SLC26A3: variants seen among roughly 807,000 people sequenced by gnomAD.
SLC26A3 encodes chloride anion exchanger.
In SLC26A3, 64 loss-of-function variants were observed where a neutral mutation model predicts 85.6. The ratio of observed to expected loss-of-function variants is 0.75; its 90% confidence interval spans 0.61 to 0.92. The LOEUF (loss-of-function observed/expected upper bound fraction) is 0.92, where lower values mean the gene tolerates loss of function less well. Ranked by LOEUF, SLC26A3 falls within the 40% of genes least tolerant of loss-of-function variation. The probability of loss-of-function intolerance (pLI) is 0.00; values close to 1 mark genes in which losing one functional copy is unlikely to be tolerated. For synonymous variants in SLC26A3, 349 were observed against 336.0 expected (o/e 1.04, Z -0.42); for missense variants, 922 against 927.3 (o/e 0.99, Z 0.07).
At chr7:107,778,356 AAG>A in intron 12 of SLC26A3, 75 bp from the exon 13 acceptor site, 6 of 589,278 alleles carry the variant, frequency 1.0e-5, no homozygotes, top group Admixed American at 3.1e-5. Context: ...GTCTTTTAAA[AAG>A]ACTTTTTTTT....
chr7:107,802,094 A>T (rs1033226699), intron 1 of SLC26A3, among the ~76,000 whole-genome samples: 2 of 65,778 alleles, frequency 3.0e-5, no homozygotes, highest in Admixed American at 3.3e-4. Flanking sequence ...TCCGTCTCAG[A>T]AAAAAAAAAA....
intron 11 of SLC26A3, 141 bp downstream of exon 11, chr7:107,782,656 T>C: frequency 1.2e-6 from 1 of 850,486 alleles, no homozygotes; most frequent in Non-Finnish European, 2.0e-6. Flanking sequence ...TTTTGGCTCA[T>C]ACAGAGTATT....
chr7:107,773,128 A>G (rs567126980), intron 17 of SLC26A3, among the ~76,000 whole-genome samples: 66 of 152,360 alleles, frequency 4.3e-4, no homozygotes, highest in African/African-American at 1.6e-3. Context: ...TGATTGTTTC[A>G]GTCGTGTTTT....
chr7:107,799,478 C>T (rs997070805), intron 1 of SLC26A3, among the ~76,000 whole-genome samples: 13 of 152,044 alleles, frequency 8.6e-5, no homozygotes, highest in Admixed American at 2.0e-4. Flanking sequence ...GCAAACTCCA[C>T]CTTCTGGGTT....
Position 107,765,811 on chromosome 7 carries a change from T to C in SLC26A3, c.*44A>G, listed in dbSNP as rs752803025. ...ATAACTTTCTGGGTATAAAGTTGTTTTTATGTCATAGTCAGATGAAGATCC... is the reference window on the plus strand; with the variant it reads ...ATAACTTTCTGGGTATAAAGTTGTTCTTATGTCATAGTCAGATGAAGATCC... On this transcript the variant is annotated 3_prime_UTR_variant, in exon 21 of 21. Transcript: ENST00000340010. The C allele has an allele frequency of 6.7e-7, 1 of 1,496,798 alleles. No individual in the cohort carries two copies. Among genetic ancestry groups the C allele is most frequent in the Non-Finnish European group, 9.3e-7 (1 of 1,073,936 alleles). 92.7% of individuals were successfully genotyped at this position (1,496,798 alleles called of 1,614,324 possible).
intron 20 of SLC26A3, 48 bp from the exon 21 acceptor site, chr7:107,765,926 GT>G: frequency 6.5e-7 from 1 of 1,543,388 alleles, no homozygotes; most frequent in Non-Finnish European, 9.0e-7. Flanking sequence ...GTCAAGTTCT[GT>G]TACAATAATC....
intron 1 of SLC26A3, among the ~76,000 whole-genome samples, chr7:107,799,386 T>G (rs1416944836): frequency 1.3e-5 from 2 of 152,034 alleles, no homozygotes; most frequent in African/African-American, 4.8e-5. Flanking sequence ...TTTCTTTTCT[T>G]TTCTTTTCTT....
chr7:107,766,751 T>C (rs1793922323), intron 20 of SLC26A3, among the ~76,000 whole-genome samples: 1 of 152,168 alleles, frequency 6.6e-6, no homozygotes, highest in Admixed American at 6.6e-5. Context: ...TGTCTTTCAC[T>C]AGAGGATAGA....
chr7:107,798,379 A>G (rs907503601), intron 1 of SLC26A3, among the ~76,000 whole-genome samples: 3 of 152,004 alleles, frequency 2.0e-5, no homozygotes, highest in Admixed American at 6.6e-5. Flanking sequence ...CACCACTTCA[A>G]GTTCCACCCA....
chr7:107,798,520 G>C (rs1794548337), intron 1 of SLC26A3, among the ~76,000 whole-genome samples: 1 of 152,124 alleles, frequency 6.6e-6, no homozygotes, highest in South Asian at 2.1e-4. Flanking sequence ...TCTTTCAGAG[G>C]TCTGCCCTTT....
chr7:107,791,296 A>G (rs910400826), intron 4 of SLC26A3, 61 bp from the exon 5 acceptor site: 5 of 1,511,162 alleles, frequency 3.3e-6, no homozygotes, highest in African/African-American at 1.4e-5. Context: ...TTGTCTTTCA[A>G]CCACAGAATA....
chr7:107,767,856 T>A lies in SLC26A3; in HGVS notation c.2115A>T (p.Lys705Asn), dbSNP rs1161387896. The stretch of plus-strand genomic sequence containing the variant: ...GGATTGTTAAGAAAAATATTGAGCT[T>A]TTCACTTCACCATCAAAAAATTCAT... ...NRYEFFDGEV[K>N]SSIFFLTIHD... Residue 705 changes from lysine to asparagine, a missense_variant, in exon 19 of 21, where the codon AAA becomes AAT. By Grantham distance (94) the Lys-to-Asn change is moderately conservative (BLOSUM62 0). Transcript: ENST00000340010. 1 of 1,613,530 alleles carries A rather than the reference T, an allele frequency of 6.2e-7. No individual in the cohort carries two copies. The highest frequency in any genetic ancestry group is 1.3e-5 in the African/African-American group (1 of 74,896).
chr7:107,770,689 A>G (rs1382317184), intron 18 of SLC26A3, among the ~76,000 whole-genome samples: 107 of 152,146 alleles, frequency 7.0e-4, no homozygotes, highest in Non-Finnish European at 4.4e-5. Flanking sequence ...TCACTGCTAT[A>G]TTCCCAGCAC....
At chr7:107,775,426 T>G (rs1794095036) in intron 15 of SLC26A3, among the ~76,000 whole-genome samples, 2 of 152,086 alleles carry the variant, frequency 1.3e-5, no homozygotes, top group Admixed American at 6.6e-5. Context: ...GATCAAATTA[T>G]GTAATAAAAA....
chr7:107,791,383 G>A (rs539539369), intron 4 of SLC26A3, 148 bp from the exon 5 acceptor site: 27 of 827,096 alleles, frequency 3.3e-5, no homozygotes, highest in South Asian at 8.5e-5. Context: ...AGGCCGAGGC[G>A]GGTGGATCAC....
intron 5 of SLC26A3, 81 bp downstream of exon 5, chr7:107,790,967 A>T: frequency 7.0e-7 from 1 of 1,419,756 alleles, no homozygotes; most frequent in Non-Finnish European, 9.8e-7. Flanking sequence ...GAGGAGTGGC[A>T]GGGGGGAGGA....
chr7:107,781,893 A>G (rs774143573), intron 11 of SLC26A3, among the ~76,000 whole-genome samples: 3 of 152,184 alleles, frequency 2.0e-5, no homozygotes, highest in Non-Finnish European at 4.4e-5. Flanking sequence ...TAATAATATT[A>G]TTAACAATAA....
intron 1 of SLC26A3, 76 bp downstream of exon 1, chr7:107,803,035 C>T (rs1258252111): frequency 2.0e-5 from 3 of 152,350 alleles, no homozygotes; most frequent in African/African-American, 7.2e-5. Context: ...CCTAAATAGG[C>T]TTTGATCAGA....
chr7:107,783,458 C>T, intron 8 of SLC26A3, 106 bp from the exon 9 acceptor site: 1 of 1,342,588 alleles, frequency 7.4e-7, no homozygotes, highest in Non-Finnish European at 1.1e-6. Context: ...AGTTGTGTCT[C>T]ACTTTGGAGT....
Sources: allele counts gnomAD v4.1 joint callset (sites outside exome capture counted in the v4.1 genomes callset), GRCh38; gene constraint gnomAD v4.1.1; transcripts MANE v1.5; gene names NCBI Gene and HGNC (gene_info 2026-07-23, HGNC 2026-07-21).